CNOT6: variants seen among roughly 807,000 people sequenced by gnomAD.
CNOT6 encodes CCR4-NOT transcription complex subunit 6, also known as carbon catabolite repression 4 protein.
A neutral mutation model predicts 61.2 loss-of-function variants in CNOT6; 12 were observed. The observed-to-expected ratio is 0.20, with a 90% CI of 0.13 to 0.32. The LOEUF is 0.32. Among genes scored for constraint, CNOT6 ranks in the 10% least tolerant of loss-of-function variants. The pLI, the probability that CNOT6 is intolerant of heterozygous loss-of-function variation, is 1.00. For missense variants in CNOT6, 405 were observed against 663.9 expected (o/e 0.61, Z 4.28); for synonymous variants, 225 against 240.6 (o/e 0.94, Z 0.60).
intron 2 of CNOT6, among the ~76,000 whole-genome samples, chr5:180,536,774 T>C (rs1304448025): frequency 1.3e-5 from 2 of 152,132 alleles, no homozygotes; most frequent in Non-Finnish European, 2.9e-5. Flanking sequence ...CATGCCCAGC[T>C]AAAGGCAAGT....
intron 2 of CNOT6, 62 bp downstream of exon 2, chr5:180,529,450 T>A: frequency 6.8e-6 from 6 of 886,028 alleles, no homozygotes; most frequent in Non-Finnish European, 9.2e-6. Flanking sequence ...AACTGAGTTT[T>A]CTAATGCCAA....
In CNOT6 at chr5:180,510,134, CTTTTTTTTTTTTTT is replaced by C. The variant is rs56899929; in HGVS notation, c.-3+15393_-3+15406del. Among the ~76,000 whole-genome samples, 44 of 37,386 alleles carry C rather than the reference CTTTTTTTTTTTTTT, an allele frequency of 1.2e-3. No homozygotes were observed. In the East Asian group the frequency reaches 0.016, roughly 14 times the overall value. 24.5% of individuals were successfully genotyped at this position (37,386 alleles called of 152,430 possible). A position where few individuals can be genotyped will look rare whatever the true frequency, so the allele number is the denominator to read the frequency against. On this transcript the variant is annotated intron_variant, in intron 1 of 11. Transcript: ENST00000261951. ...TAAATGAGGTTTATCGTCTGTAAAC[CTTTTTTTTTTTTTT>C]TTTTTTTTTTTTTTTTTTTTTAAGA...
At position 180,510,134 on chromosome 5, in the gene CNOT6, C is replaced by CTTTTTTTTTTT. The variant is rs56899929; in HGVS notation, c.-3+15396_-3+15406dup. On this transcript the variant is annotated intron_variant, in intron 1 of 11. Transcript: ENST00000261951. ...TAAATGAGGTTTATCGTCTGTAAAC[C>CTTTTTTTTTTT]TTTTTTTTTTTTTTTTTTTTTTTTT... 2.7e-4 allele frequency among the ~76,000 whole-genome samples: 10 copies of CTTTTTTTTTTT among 37,382 alleles called. 2 individuals are homozygous for CTTTTTTTTTTT. Among genetic ancestry groups the CTTTTTTTTTTT allele is most frequent in the Admixed American group, 1.1e-3 (2 of 1,816 alleles). 24.5% of individuals were successfully genotyped at this position (37,382 alleles called of 152,430 possible).
intron 1 of CNOT6, among the ~76,000 whole-genome samples, chr5:180,511,807 C>T (rs928820010): frequency 2.6e-5 from 4 of 151,878 alleles, no homozygotes; most frequent in East Asian, 3.9e-4. Context: ...TTTTTTTGAG[C>T]GACAGGTTCT....
intron 1 of CNOT6, among the ~76,000 whole-genome samples, chr5:180,523,107 A>G (rs966638634): frequency 3.3e-5 from 5 of 152,144 alleles, no homozygotes; most frequent in African/African-American, 9.7e-5. Flanking sequence ...GAATTGAGCT[A>G]TAGGACACTC....
At chr5:180,563,307 C>A (rs1168523660) in intron 4 of CNOT6, among the ~76,000 whole-genome samples, 1 of 152,010 alleles carries the variant, frequency 6.6e-6, no homozygotes, top group Non-Finnish European at 1.5e-5. Flanking sequence ...GCTCTGCCTC[C>A]CAGGTTCACG....
At chr5:180,504,507 G>A (rs1757035006) in intron 1 of CNOT6, among the ~76,000 whole-genome samples, 1 of 151,342 alleles carries the variant, frequency 6.6e-6, no homozygotes, top group African/African-American at 2.4e-5. Context: ...AAGAGCGGGG[G>A]CAGTAAATAG....
intron 2 of CNOT6, among the ~76,000 whole-genome samples, chr5:180,532,708 A>T (rs13174261): frequency 2.0e-5 from 3 of 151,880 alleles, no homozygotes; most frequent in Non-Finnish European, 4.4e-5. Context: ...GCCCTCTCCC[A>T]CTTCTATCAC....
Position 180,567,199 on chromosome 5 carries a change from A to G in CNOT6, c.829A>G (p.Arg277Gly). Residue 277 changes from arginine (R) to glycine (G), a missense_variant, in exon 8 of 12, where the codon AGG becomes GGG. By Grantham distance (125) the Arg-to-Gly change is moderately radical (BLOSUM62 -2). This residue lies in a region of CNOT6 where 24 missense variants were observed against 85.2 expected (regional missense o/e 0.28). Transcript: ENST00000261951. Reference sequence around the variant, plus strand: ...AGCTAGGACAATGTCAGAACAAGAAAGGAAACATGTTGATGGCTGTGCAAT... The same window carrying G: ...AGCTAGGACAATGTCAGAACAAGAAGGGAAACATGTTGATGGCTGTGCAAT... ...SRARTMSEQE[R>G]KHVDGCAIFF... 6.2e-7 allele frequency: 1 copy of G among 1,613,226 alleles called. No individual in the cohort carries two copies. Among genetic ancestry groups the G allele is most frequent in the Non-Finnish European group, 8.5e-7 (1 of 1,179,794 alleles).
chr5:180,504,955 A>ATTTT (rs769852255), intron 1 of CNOT6, among the ~76,000 whole-genome samples: 20,422 of 100,802 alleles, frequency 0.2, 2,811 homozygotes, highest in Non-Finnish European at 0.27. Context: ...GTACTAGTTA[A>ATTTT]TTTTTTTTTT....
chr5:180,573,953 A>C, intron 11 of CNOT6, 35 bp from the exon 12 acceptor site: 1 of 1,420,934 alleles, frequency 7.0e-7, no homozygotes, highest in South Asian at 1.1e-5. Context: ...GTGTTGTCTT[A>C]TACGGTGCTT....
chr5:180,569,944 T>C (rs375007008), intron 10 of CNOT6, among the ~76,000 whole-genome samples: 2 of 152,332 alleles, frequency 1.3e-5, no homozygotes, highest in East Asian at 1.9e-4. Context: ...TTTCTTTTTG[T>C]GTTTCAACTC....
intron 1 of CNOT6, among the ~76,000 whole-genome samples, chr5:180,515,698 C>A (rs1757603029): frequency 6.6e-6 from 1 of 152,054 alleles, no homozygotes; most frequent in African/African-American, 2.4e-5. Context: ...CCCTAACTTA[C>A]AGTAGCTCTA....
intron 1 of CNOT6, among the ~76,000 whole-genome samples, chr5:180,521,854 G>T (rs1333524187): frequency 6.6e-6 from 1 of 152,166 alleles, no homozygotes. Flanking sequence ...CCATGTTGCT[G>T]CAAAGGATAT....
At chr5:180,553,063 T>C (rs1201119641) in intron 3 of CNOT6, among the ~76,000 whole-genome samples, 1 of 152,208 alleles carries the variant, frequency 6.6e-6, no homozygotes, top group Non-Finnish European at 1.5e-5. Flanking sequence ...GTTTGCAAAC[T>C]GTCTTGCCAG....
chr5:180,545,491 T>C (rs1193098086), intron 2 of CNOT6, among the ~76,000 whole-genome samples: 3 of 152,214 alleles, frequency 2.0e-5, no homozygotes, highest in Non-Finnish European at 2.9e-5. Context: ...GATTTTGGTC[T>C]GCTCTTATCC....
At chr5:180,533,726 C>G (rs1758522205) in intron 2 of CNOT6, among the ~76,000 whole-genome samples, 1 of 152,170 alleles carries the variant, frequency 6.6e-6, no homozygotes, top group African/African-American at 2.4e-5. Context: ...AGATTGGCTT[C>G]TTTAACTTAT....
At chr5:180,507,778 C>T (rs76422516) in intron 1 of CNOT6, among the ~76,000 whole-genome samples, 9,831 of 134,198 alleles carry the variant, frequency 0.073, 531 homozygotes, top group East Asian at 0.27. Context: ...GTGCAGGAAA[C>T]GTGGCTGGGG....
chr5:180,562,615 C>T (rs1273752096), intron 4 of CNOT6, among the ~76,000 whole-genome samples: 1 of 151,992 alleles, frequency 6.6e-6, no homozygotes, highest in African/African-American at 2.4e-5. Context: ...TGGCAGCTGC[C>T]TGTAGTCCCA....
Sources: allele counts gnomAD v4.1 joint callset (sites outside exome capture counted in the v4.1 genomes callset), GRCh38; gene constraint gnomAD v4.1.1; regional missense constraint gnomAD v4.1.1; transcripts MANE v1.5; gene names NCBI Gene and HGNC (gene_info 2026-07-23, HGNC 2026-07-21).